VASH2: variants seen among roughly 807,000 people sequenced by gnomAD.
VASH2 encodes the protein vasohibin 2.
A neutral mutation model predicts 37.2 loss-of-function variants in VASH2; 28 were observed. The observed-to-expected ratio is 0.75, with a 90% CI of 0.56 to 1.03. The LOEUF is 1.03. Among genes scored for constraint, VASH2 ranks in the 50% least tolerant of loss-of-function variants. The pLI, the probability that VASH2 is intolerant of heterozygous loss-of-function variation, is 0.00. For missense variants in VASH2, 419 were observed against 459.1 expected, an observed-to-expected ratio of 0.91 and a Z score of 0.80; for synonymous variants, 188 against 174.7, an observed-to-expected ratio of 1.08 and a Z score of -0.60.
chr1:212,965,945 G>C, intron 4 of VASH2, 167 bp downstream of exon 4: 1 of 651,040 alleles, frequency 1.5e-6, no homozygotes, highest in South Asian at 1.9e-5. Context: ...ACTGAGGACT[G>C]AGCAACTCTG....
intron 7 of VASH2, 23 bp downstream of exon 7, chr1:212,974,093 C>T: frequency 2.5e-6 from 4 of 1,595,092 alleles, no homozygotes; most frequent in Non-Finnish European, 3.4e-6. Flanking sequence ...TCCTCTTCCC[C>T]AACTCAAAGC....
At chr1:212,983,121 G>A (rs1045996273) in intron 7 of VASH2, among the ~76,000 whole-genome samples, 5 of 152,302 alleles carry the variant, frequency 3.3e-5, no homozygotes, top group South Asian at 4.1e-4. Flanking sequence ...TGATAAGTAC[G>A]TATTCCACAG....
At chr1:212,962,448 G>T (rs751168539) in intron 3 of VASH2, among the ~76,000 whole-genome samples, 6 of 152,136 alleles carry the variant, frequency 3.9e-5, no homozygotes, top group Non-Finnish European at 8.8e-5. Context: ...TCCATACCCA[G>T]CCCTGAGGCA....
chr1:212,961,419 G>A, intron 3 of VASH2, 165 bp downstream of exon 3: 1 of 1,451,452 alleles, frequency 6.9e-7, no homozygotes, highest in Non-Finnish European at 9.1e-7. Context: ...GAGTGTGCGT[G>A]GAGGTTGTCA....
At chr1:212,964,528 G>A (rs981703234) in intron 3 of VASH2, among the ~76,000 whole-genome samples, 1 of 152,192 alleles carries the variant, frequency 6.6e-6, no homozygotes, top group East Asian at 1.9e-4. Context: ...CAGAGAGCAC[G>A]GCATCAGGGA....
Position 212,951,449 on chromosome 1 carries a change from C to T in VASH2, c.-94C>T, listed in dbSNP as rs1666299888. 1 of 707,268 alleles carries T rather than the reference C, an allele frequency of 1.4e-6. No homozygotes were observed. The highest frequency in any genetic ancestry group is 6.0e-5 in the Admixed American group (1 of 16,744). The allele number at this position is 707,268 out of a possible 1,614,324, so 43.8% of individuals were successfully genotyped here. On this transcript the variant is annotated 5_prime_UTR_variant, in exon 2 of 8. Coordinates refer to ENST00000517399, the MANE Select transcript of VASH2 (RefSeq NM_001301056.2). This position sits in a 1 kb window ranked among gnomAD's most constrained non-coding sequence, Gnocchi z 4.4. Reference sequence around the variant, plus strand: ...AGGCCGCCCCCGCGGGGCGCTGATCCCCTCGCCGCGCCCGCGCGCACACGC... The same window carrying T: ...AGGCCGCCCCCGCGGGGCGCTGATCTCCTCGCCGCGCCCGCGCGCACACGC...
In VASH2 at chr1:212,951,807, T is replaced by C. The variant is rs1401500214; in HGVS notation, c.265T>C (p.Phe89Leu). 4 of 1,605,018 alleles carry C rather than the reference T, an allele frequency of 2.5e-6. No individual in the cohort carries two copies. Among genetic ancestry groups the C allele is most frequent in the Non-Finnish European group, 3.4e-6 (4 of 1,178,008 alleles). Residue 89 changes from phenylalanine (F) to leucine (L), a missense_variant, in exon 2 of 8, where the codon TTC (phenylalanine) becomes CTC (leucine). Physicochemically the swap from Phe to Leu is conservative, Grantham distance 22. Coordinates refer to ENST00000517399, the MANE Select transcript of VASH2 (RefSeq NM_001301056.2). This position sits in a 1 kb window ranked among gnomAD's most constrained non-coding sequence, Gnocchi z 4.4. The stretch of plus-strand genomic sequence containing the variant: ...GGTGGGCGCCATCAGGAACGCCGCC[T>C]TCTTGGCAAAGGTCAGTGGCTTCCA... ...EMVGAIRNAA[F>L]LAKPSIPQVP...
At chr1:212,983,286 T>C (rs1030271519) in intron 7 of VASH2, among the ~76,000 whole-genome samples, 2 of 152,214 alleles carry the variant, frequency 1.3e-5, no homozygotes, top group African/African-American at 4.8e-5. Flanking sequence ...CTGAGTCCTT[T>C]ATAATGAACA....
chr1:212,950,803 C>G lies in VASH2; in HGVS notation c.-205+63C>G, dbSNP rs982872950. ...CCGCCCGCCTGCAGCCAGTCCCTCC[C>G]GGTGATAGGCGCTGGAACTCGGGGA... On this transcript the variant is annotated intron_variant, in intron 1 of 7. Transcript: ENST00000517399. This position sits in a 1 kb window ranked among gnomAD's most constrained non-coding sequence, Gnocchi z 5.5. 1 of 153,224 alleles carries G rather than the reference C, an allele frequency of 6.5e-6. No homozygotes were observed. The highest frequency in any genetic ancestry group is 1.5e-5 in the Non-Finnish European group (1 of 68,250). 9.5% of individuals were successfully genotyped at this position (153,224 alleles called of 1,614,324 possible).
At chr1:212,978,220 C>T (rs1473642990) in intron 7 of VASH2, among the ~76,000 whole-genome samples, 1 of 152,222 alleles carries the variant, frequency 6.6e-6, no homozygotes, top group Non-Finnish European at 1.5e-5. Context: ...TGCCCATACG[C>T]TAATCTCTGA....
intron 7 of VASH2, among the ~76,000 whole-genome samples, chr1:212,980,034 A>C (rs76024604): frequency 0.026 from 3,987 of 152,198 alleles, 154 homozygotes; most frequent in African/African-American, 0.091. Context: ...TTTGCTTCTC[A>C]CATCTTGGTA....
Position 212,972,629 on chromosome 1 carries a change from A to G in VASH2, c.547A>G (p.Lys183Glu). Reference protein sequence around the residue: ...PSIERFPISFKTYFSGNYFHH... With the variant: ...PSIERFPISFETYFSGNYFHH... ...CATTGAGCGGTTCCCCATCAGCTTT[A>G]AAACCTACTTCTCAGGAAACTACTT... is the stretch of plus-strand genomic sequence containing the variant. The change falls in exon 6 of 8, where the codon AAA becomes GAA. Residue 183 changes from lysine (K) to glutamate (E), a missense_variant. Lys to Glu is a moderately conservative substitution (Grantham distance 56). Coordinates refer to ENST00000517399, the MANE Select transcript of VASH2 (RefSeq NM_001301056.2). 1 of 1,614,178 alleles carries G rather than the reference A, an allele frequency of 6.2e-7. No individual in the cohort carries two copies. The highest frequency in any genetic ancestry group is 1.3e-5 in the African/African-American group (1 of 75,046).
chr1:212,974,090 C>G lies in VASH2; in HGVS notation c.995+20C>G. 1 of 1,599,456 alleles carries G rather than the reference C, an allele frequency of 6.3e-7. No homozygotes were observed. Among genetic ancestry groups the G allele is most frequent in the Non-Finnish European group, 8.5e-7 (1 of 1,171,168 alleles). The stretch of plus-strand genomic sequence containing the variant: ...GAAGTCGTGAGTAATATTTCCTCTT[C>G]CCCAACTCAAAGCCCAACACACACA... On this transcript the variant is annotated intron_variant, in intron 7 of 7. Coordinates refer to ENST00000517399, the MANE Select transcript of VASH2 (RefSeq NM_001301056.2).
intron 2 of VASH2, 40 bp from the exon 3 acceptor site, chr1:212,961,126 C>G: frequency 6.3e-6 from 10 of 1,596,986 alleles, no homozygotes; most frequent in African/African-American, 1.3e-5. Context: ...CCCCAGAGCG[C>G]CTCCTTCATA....
At chr1:212,987,617 A>G (rs892771525) in intron 7 of VASH2, among the ~76,000 whole-genome samples, 5 of 152,230 alleles carry the variant, frequency 3.3e-5, no homozygotes, top group African/African-American at 1.2e-4. Flanking sequence ...GTTTATGTGT[A>G]ACCTAAACAT....
intron 7 of VASH2, among the ~76,000 whole-genome samples, chr1:212,976,353 C>A (rs7554696): frequency 0.09 from 13,688 of 152,090 alleles, 1,311 homozygotes; most frequent in African/African-American, 0.25. Flanking sequence ...GGCCAAGGAG[C>A]GATAACTGCA....
rs1434885030 is a variant in VASH2, at chr1:212,991,495, G to A, written c.*2911G>A. ...TATAATGGTATTTTAGAGAATGCCA[G>A]TAAGTGCATGTTTCAAGTTAATGTT... On this transcript the variant is annotated 3_prime_UTR_variant, in exon 8 of 8. Transcript: ENST00000517399. 1 of 152,204 alleles carries A rather than the reference G, an allele frequency of 6.6e-6. No homozygotes were observed. The highest frequency in any genetic ancestry group is 1.5e-5 in the Non-Finnish European group (1 of 68,036). 9.4% of individuals were successfully genotyped at this position (152,204 alleles called of 1,614,324 possible). A position where few individuals can be genotyped will look rare whatever the true frequency, so the allele number is the denominator to read the frequency against.
chr1:212,957,949 A>C (rs1446352475), intron 2 of VASH2, among the ~76,000 whole-genome samples: 1 of 152,212 alleles, frequency 6.6e-6, no homozygotes. Flanking sequence ...CAAGTTGCCT[A>C]CTTTTGCATT....
At position 212,972,601 on chromosome 1, in the gene VASH2, T is replaced by C; in HGVS notation, c.519T>C (p.Pro173=). ...TAAGCTACTTAACCAATGGGCAGCC[T>C]TCCATTGAGCGGTTCCCCATCAGCT... ...ILGIYLTNGQ[P]SIERFPISFK... is the part of the protein sequence containing the mutation. The change falls in exon 6 of 8, where the codon CCT becomes CCC. Residue 173 remains proline, a synonymous_variant. Coordinates refer to ENST00000517399, the MANE Select transcript of VASH2 (RefSeq NM_001301056.2). The C allele has an allele frequency of 6.2e-7, 1 of 1,613,918 alleles. No homozygotes were observed. Among genetic ancestry groups the C allele is most frequent in the Non-Finnish European group, 8.5e-7 (1 of 1,179,992 alleles).
Sources: gnomAD v4.1 joint callset for allele counts (sites outside exome capture counted in the v4.1 genomes callset) on GRCh38, gnomAD v4.1.1 for gene constraint, Gnocchi (gnomAD v3.1) non-coding constraint, MANE v1.5 for transcripts, NCBI Gene and HGNC (gene_info 2026-07-23, HGNC 2026-07-21) for gene names.